CNGB1: variants seen among roughly 807,000 people sequenced by gnomAD.
CNGB1 encodes the protein cyclic nucleotide gated channel subunit beta 1, also known as cyclic nucleotide-gated channel beta-1.
Under a neutral mutation model 151.7 loss-of-function variants are expected in CNGB1, and 126 were observed. That is an observed-to-expected ratio of 0.83 (90% CI 0.72 to 0.96). The LOEUF (loss-of-function observed/expected upper bound fraction) is 0.96. Among genes scored for constraint, CNGB1 ranks in the 40% least tolerant of loss-of-function variants. The pLI, the probability that CNGB1 is intolerant of heterozygous loss-of-function variation, is 0.00. For missense variants in CNGB1, 1,698 were observed against 1,627.0 expected (o/e 1.04, Z -0.75); for synonymous variants, 623 against 635.1 (o/e 0.98, Z 0.29).
At chr16:57,958,557 G>A (rs982199892) in intron 10 of CNGB1, 72 bp from the exon 11 acceptor site, 493 of 1,373,772 alleles carry the variant, frequency 3.6e-4, no homozygotes, top group Non-Finnish European at 4.4e-4. Flanking sequence ...GAGTCAGCTC[G>A]TTCCCAAGGC....
chr16:57,894,239 T>C (rs1342615116), intron 31 of CNGB1, among the ~76,000 whole-genome samples: 1 of 152,218 alleles, frequency 6.6e-6, no homozygotes, highest in Admixed American at 6.5e-5. Flanking sequence ...TTTGTCGTCA[T>C]GTGGAAACAA....
In CNGB1 at chr16:57,920,945, G is replaced by C. The variant is rs549620794; in HGVS notation, c.1644-401C>G. 2.6e-5 allele frequency among the ~76,000 whole-genome samples: 4 copies of C among 152,260 alleles called. No homozygotes were observed. In the South Asian group the frequency reaches 8.3e-4, roughly 32 times the overall value. On this transcript the variant is annotated intron_variant, in intron 18 of 32. Coordinates refer to ENST00000251102, the MANE Select transcript of CNGB1 (RefSeq NM_001297.5). ...CAGGGGCAGAACAGAGAGGGAGCAGGCCTACTTTTTTAGGCTTAGGATGTA... is the reference window on the plus strand; with the variant it reads ...CAGGGGCAGAACAGAGAGGGAGCAGCCCTACTTTTTTAGGCTTAGGATGTA...
At chr16:57,926,536 C>G (rs149798239) in intron 17 of CNGB1, among the ~76,000 whole-genome samples, 1 of 152,200 alleles carries the variant, frequency 6.6e-6, no homozygotes, top group Non-Finnish European at 1.5e-5. Flanking sequence ...GCCAACTCGC[C>G]GAGGATGGCA....
chr16:57,909,481 G>A (rs1960649233), intron 25 of CNGB1, among the ~76,000 whole-genome samples: 1 of 152,124 alleles, frequency 6.6e-6, no homozygotes, highest in African/African-American at 2.4e-5. Flanking sequence ...CCCCTTCCGG[G>A]TTCCAGCGAT....
chr16:57,894,234 C>T (rs1567363980), intron 31 of CNGB1, among the ~76,000 whole-genome samples: 2 of 152,130 alleles, frequency 1.3e-5, no homozygotes, highest in South Asian at 2.1e-4. Flanking sequence ...CGGGTTTTGT[C>T]GTCATGTGGA....
chr16:57,947,410 C>T (rs1257398926), intron 14 of CNGB1, among the ~76,000 whole-genome samples: 2 of 152,172 alleles, frequency 1.3e-5, no homozygotes, highest in Admixed American at 6.5e-5. Context: ...AAACAAGCTG[C>T]TCTAATGAAA....
At chr16:57,954,918 A>T in intron 12 of CNGB1, 2 of 1,029,282 alleles carry the variant, frequency 1.9e-6, no homozygotes, top group Middle Eastern at 4.8e-4. Context: ...TTATTAATTT[A>T]AAAAAGGTTT....
At chr16:57,952,311 T>C (rs549277748) in intron 12 of CNGB1, among the ~76,000 whole-genome samples, 307 of 152,268 alleles carry the variant, frequency 2.0e-3, no homozygotes, top group African/African-American at 7.0e-3. Context: ...GTTTTCCCAG[T>C]GCACTATCCC....
chr16:57,959,257 G>A (rs1388095035), intron 10 of CNGB1, among the ~76,000 whole-genome samples: 2 of 151,884 alleles, frequency 1.3e-5, no homozygotes, highest in Non-Finnish European at 2.9e-5. Flanking sequence ...AAGAAAGAAT[G>A]CAGTAAGACC....
intron 26 of CNGB1, among the ~76,000 whole-genome samples, 158 bp downstream of exon 26, chr16:57,904,576 C>T (rs865957984): frequency 5.3e-5 from 8 of 152,144 alleles, no homozygotes; most frequent in Non-Finnish European, 1.2e-4. Context: ...CCCCCTTCAC[C>T]GCGCAGGGAC....
At chr16:57,922,506 G>C (rs1207551927) in intron 18 of CNGB1, among the ~76,000 whole-genome samples, 1 of 148,658 alleles carries the variant, frequency 6.7e-6, no homozygotes, top group Admixed American at 6.7e-5. Flanking sequence ...TCAGCTCACT[G>C]CAACCTCTAC....
intron 31 of CNGB1, among the ~76,000 whole-genome samples, chr16:57,896,192 T>A (rs1377651368): frequency 6.6e-6 from 1 of 152,216 alleles, no homozygotes; most frequent in Admixed American, 6.5e-5. Flanking sequence ...ACCCACTAAT[T>A]ACTTAGGAAT....
intron 17 of CNGB1, among the ~76,000 whole-genome samples, chr16:57,926,271 C>T (rs956924706): frequency 2.0e-5 from 3 of 152,188 alleles, no homozygotes; most frequent in African/African-American, 7.2e-5. Context: ...GTTCCTACTC[C>T]AGCCCCTGAG....
At position 57,951,538 on chromosome 16, in the gene CNGB1, T is replaced by G. The variant is rs139558591; in HGVS notation, c.875-998A>C. 4.9e-3 allele frequency among the ~76,000 whole-genome samples: 746 copies of G among 152,298 alleles called. 5 individuals are homozygous for G. Among genetic ancestry groups the G allele is most frequent in the African/African-American group, 0.017 (714 of 41,566 alleles). Reference sequence around the variant, plus strand: ...ACCTGGGTAGTAGTAACAATGACTTTAAATGGAAGCCGGCCTCAAGTCTTA... The same window carrying G: ...ACCTGGGTAGTAGTAACAATGACTTGAAATGGAAGCCGGCCTCAAGTCTTA... On this transcript the variant is annotated intron_variant, in intron 12 of 32. Transcript: ENST00000251102.
At chr16:57,927,474 A>C (rs1961221628) in intron 17 of CNGB1, among the ~76,000 whole-genome samples, 1 of 152,182 alleles carries the variant, frequency 6.6e-6, no homozygotes, top group African/African-American at 2.4e-5. Context: ...TCAACCTGGC[A>C]CTTGCTTGTT....
At chr16:57,917,623 T>TAG in intron 20 of CNGB1, 147 bp from the exon 21 acceptor site, 1 of 639,594 alleles carries the variant, frequency 1.6e-6, no homozygotes, top group Non-Finnish European at 2.7e-6. Context: ...TGTGTGTGTA[T>TAG]ATATACACAC....
rs1961604639 is a variant in CNGB1 at position 57,939,466 on chromosome 16, C to T, written c.1336G>A (p.Glu446Lys). 1.9e-6 allele frequency: 3 copies of T among 1,614,058 alleles called. No individual in the cohort carries two copies. Among genetic ancestry groups the T allele is most frequent in the Non-Finnish European group, 2.5e-6 (3 of 1,180,040 alleles). ...EPQDWAETKE[E>K]PEAEAEAASS... ...GCAGCCTCGGCCTCAGCCTCAGGCT[C>T]CTCCTTGGTCTCCGCCCAGTCCTGG... The change falls in exon 16 of 33, where the codon GAG becomes AAG. Residue 446 changes from glutamate to lysine, a missense_variant. Transcript: ENST00000251102.
intron 31 of CNGB1, among the ~76,000 whole-genome samples, chr16:57,895,955 A>G (rs1468943799): frequency 1.3e-5 from 2 of 152,222 alleles, no homozygotes; most frequent in Non-Finnish European, 2.9e-5. Context: ...ATCCATGCCT[A>G]TATACATTGA....
intron 27 of CNGB1, 103 bp from the exon 28 acceptor site, chr16:57,901,728 G>T (rs1960398722): frequency 3.4e-6 from 3 of 894,708 alleles, no homozygotes; most frequent in Non-Finnish European, 5.4e-6. Context: ...GCACACCATT[G>T]CCCTGCCGCA....
Sources: gnomAD v4.1 joint callset for allele counts (sites outside exome capture counted in the v4.1 genomes callset) on GRCh38, gnomAD v4.1.1 for gene constraint, MANE v1.5 for transcripts, NCBI Gene and HGNC (gene_info 2026-07-23, HGNC 2026-07-21) for gene names.